TAB2: variants seen among roughly 807,000 people sequenced by gnomAD.
TAB2 encodes the protein TGF-beta-activated kinase 1 and MAP3K7-binding protein 2.
Under a neutral mutation model 65.0 loss-of-function variants are expected in TAB2, and 3 were observed. The observed-to-expected ratio is 0.05, with a 90% CI of 0.02 to 0.12. The LOEUF is 0.12. TAB2 is among the 10% of genes least tolerant of loss of function. The pLI is 1.00. For missense variants in TAB2, 623 were observed against 840.3 expected, an observed-to-expected ratio of 0.74 and a Z score of 3.20; for synonymous variants, 298 against 285.1, an observed-to-expected ratio of 1.05 and a Z score of -0.46.
chr6:149,269,898 A>G (rs1317092119), intron 1 of TAB2, among the ~76,000 whole-genome samples: 1 of 152,224 alleles, frequency 6.6e-6, no homozygotes, highest in Non-Finnish European at 1.5e-5. Flanking sequence ...AAGTCAATAT[A>G]AAGATTCACA....
intron 1 of TAB2, among the ~76,000 whole-genome samples, chr6:149,322,423 A>G (rs1779484139): frequency 6.6e-6 from 1 of 152,262 alleles, no homozygotes; most frequent in East Asian, 1.9e-4. Context: ...CAAATTTCAG[A>G]ACACAATTGT....
At chr6:149,243,115 G>A (rs1308980446) in intron 1 of TAB2, among the ~76,000 whole-genome samples, 4 of 152,192 alleles carry the variant, frequency 2.6e-5, no homozygotes, top group East Asian at 1.9e-4. Flanking sequence ...AAACACAGGG[G>A]TTCATTCCCT....
chr6:149,368,063 G>A (rs898952296), intron 1 of TAB2, among the ~76,000 whole-genome samples: 1 of 152,106 alleles, frequency 6.6e-6, no homozygotes, highest in African/African-American at 2.4e-5. Context: ...GATGAATGTA[G>A]ATATAGTTGA....
At position 149,248,796 on chromosome 6, in the gene TAB2, C is replaced by T. The variant is rs537449319; in HGVS notation, c.-121+30020C>T. ...CCAGTGCTGCTGTCCCTGCCCTGGGCCTGTTTTGTGAGCTGTGTCTGAGGC... is the reference window on the plus strand; with the variant it reads ...CCAGTGCTGCTGTCCCTGCCCTGGGTCTGTTTTGTGAGCTGTGTCTGAGGC... On this transcript the variant is annotated intron_variant, in intron 1 of 1. Transcript: ENST00000606202. 3.9e-5 allele frequency among the ~76,000 whole-genome samples: 6 copies of T among 152,242 alleles called. No individual in the cohort carries two copies. In the East Asian group the frequency reaches 7.7e-4, roughly 20 times the overall value.
At chr6:149,337,723 T>C (rs1316163849) in intron 1 of TAB2, among the ~76,000 whole-genome samples, 2 of 152,210 alleles carry the variant, frequency 1.3e-5, no homozygotes, top group African/African-American at 2.4e-5. Context: ...TCCTCTGCAA[T>C]TGAGTGAAAT....
intron 1 of TAB2, among the ~76,000 whole-genome samples, chr6:149,263,438 A>C (rs1315201315): frequency 6.6e-6 from 1 of 152,216 alleles, no homozygotes. Flanking sequence ...TCTGCACAAA[A>C]CATTATGTTG....
chr6:149,397,596 T>C lies in TAB2; in HGVS notation c.1604-8T>C. 6.2e-7 allele frequency: 1 copy of C among 1,614,024 alleles called. No homozygotes were observed. The highest frequency in any genetic ancestry group is 1.3e-5 in the African/African-American group (1 of 75,054). On this transcript the variant is annotated splice_polypyrimidine_tract_variant and splice_region_variant and intron_variant, in intron 3 of 6. Coordinates refer to ENST00000637181, the MANE Select transcript of TAB2 (RefSeq NM_001292034.3). Reference sequence around the variant, plus strand: ...GTGGGTCCTCATGTTTACTAATGTGTGTTGCAGCTCTTTTGGTACACCAGA... The same window carrying C: ...GTGGGTCCTCATGTTTACTAATGTGCGTTGCAGCTCTTTTGGTACACCAGA...
chr6:149,231,987 C>T (rs969369991), intron 1 of TAB2, among the ~76,000 whole-genome samples: 3 of 152,094 alleles, frequency 2.0e-5, no homozygotes, highest in African/African-American at 4.8e-5. Flanking sequence ...GATCTACAAA[C>T]GCTTGGGAAA....
chr6:149,362,976 C>T (rs1468908621), intron 1 of TAB2, among the ~76,000 whole-genome samples: 2 of 152,068 alleles, frequency 1.3e-5, no homozygotes, highest in African/African-American at 4.8e-5. Flanking sequence ...GGTTGAATAC[C>T]AGCTTTGGTC....
intron 6 of TAB2, among the ~76,000 whole-genome samples, chr6:149,402,352 C>CA (rs1250280902): frequency 2.0e-5 from 3 of 150,502 alleles, no homozygotes; most frequent in Admixed American, 6.6e-5. Context: ...AAAAAATATC[C>CA]AAAAAAAATT....
At position 149,252,356 on chromosome 6, in the gene TAB2, C is replaced by T. The variant is rs560843458; in HGVS notation, c.-121+33580C>T. ...GGGAGGCTGCCATGAGCTGAGATCA[C>T]GCCATTGCACTGCAACCTGGGCAAC... On this transcript the variant is annotated intron_variant, in intron 1 of 1. Transcript: ENST00000606202. 1.1e-4 allele frequency among the ~76,000 whole-genome samples: 17 copies of T among 150,058 alleles called. No homozygotes were observed. The East Asian group carries it at 1.2e-3, about 10-fold the overall frequency.
intron 1 of TAB2, among the ~76,000 whole-genome samples, chr6:149,270,769 G>A (rs188856896): frequency 1.1e-4 from 17 of 152,280 alleles, no homozygotes; most frequent in African/African-American, 3.4e-4. Flanking sequence ...AAGCCTCTCC[G>A]ACGTACACAT....
chr6:149,391,478 A>G (rs1369664204), intron 3 of TAB2, among the ~76,000 whole-genome samples: 1 of 150,734 alleles, frequency 6.6e-6, no homozygotes, highest in Non-Finnish European at 1.5e-5. Context: ...AATATCCTGA[A>G]CGAGCTTTCT....
chr6:149,274,141 A>G (rs1778411649), intron 1 of TAB2, among the ~76,000 whole-genome samples: 1 of 152,234 alleles, frequency 6.6e-6, no homozygotes, highest in Non-Finnish European at 1.5e-5. Flanking sequence ...ATCTTGCCCC[A>G]GGGCCCAGAA....
In TAB2 at chr6:149,310,567, TA is replaced by T. The variant is rs1004440599; in HGVS notation, c.-120-67450del. ...GTAATAGGCTGGAAAATAATATATA[TA>T]TTTTTTTTAAAATTGCATTTACATG... On this transcript the variant is annotated intron_variant, in intron 1 of 1. Transcript: ENST00000606202. Among the ~76,000 whole-genome samples, 53 of 47,980 alleles carry T rather than the reference TA, an allele frequency of 1.1e-3. 1 individual carries two copies. Among genetic ancestry groups the T allele is most frequent in the South Asian group, 8.1e-3 (14 of 1,738 alleles). 31.5% of individuals were successfully genotyped at this position (47,980 alleles called of 152,430 possible).
chr6:149,363,692 A>C (rs775371934), intron 1 of TAB2, among the ~76,000 whole-genome samples: 8 of 152,178 alleles, frequency 5.3e-5, no homozygotes, highest in Non-Finnish European at 1.2e-4. Flanking sequence ...TATTTAAATT[A>C]TATGGTAGGA....
chr6:149,285,375 A>C (rs1274423159), intron 1 of TAB2, among the ~76,000 whole-genome samples: 1 of 152,190 alleles, frequency 6.6e-6, no homozygotes, highest in Non-Finnish European at 1.5e-5. Flanking sequence ...AGTCTTGTAC[A>C]TTCAACTCAG....
chr6:149,287,536 A>G (rs1442209279), intron 1 of TAB2, among the ~76,000 whole-genome samples: 2 of 151,918 alleles, frequency 1.3e-5, no homozygotes, highest in Non-Finnish European at 2.9e-5. Context: ...CAAATGGTCA[A>G]TGAATTCTGC....
At position 149,264,084 on chromosome 6, in the gene TAB2, T is replaced by C. The variant is rs538563135; in HGVS notation, c.-121+45308T>C. 2.6e-5 allele frequency among the ~76,000 whole-genome samples: 4 copies of C among 152,268 alleles called. No individual in the cohort carries two copies. In the East Asian group the frequency reaches 7.7e-4, roughly 29 times the overall value. ...AGACGCACAGGCAGGCCGCTGTAGGTTGTGTTGGCCCGAGGACCCAGCAGA... is the reference window on the plus strand; with the variant it reads ...AGACGCACAGGCAGGCCGCTGTAGGCTGTGTTGGCCCGAGGACCCAGCAGA... On this transcript the variant is annotated intron_variant, in intron 1 of 1. Transcript: ENST00000606202.
Sources: allele counts gnomAD v4.1 joint callset (sites outside exome capture counted in the v4.1 genomes callset), GRCh38; gene constraint gnomAD v4.1.1; transcripts MANE v1.5; gene names NCBI Gene and HGNC (gene_info 2026-07-23, HGNC 2026-07-21).